SEMA6D: variants seen among roughly 807,000 people sequenced by gnomAD.
SEMA6D encodes the protein semaphorin-6D.
SEMA6D carries 35 observed loss-of-function variants against 106.6 expected under a neutral mutation model. That is an observed-to-expected ratio of 0.33 (90% CI 0.25 to 0.44). The LOEUF (loss-of-function observed/expected upper bound fraction) is 0.44, where lower values mean the gene tolerates loss of function less well. Among genes scored for constraint, SEMA6D ranks in the 20% least tolerant of loss-of-function variants. The pLI, the probability that SEMA6D is intolerant of heterozygous loss-of-function variation, is 1.00. For synonymous variants in SEMA6D, 499 were observed against 487.7 expected (o/e 1.02, Z -0.31); for missense variants, 1,185 against 1,345.9 (o/e 0.88, Z 1.87).
At chr15:47,650,567 A>G (rs1219461994) in intron 4 of SEMA6D, among the ~76,000 whole-genome samples, 1 of 152,234 alleles carries the variant, frequency 6.6e-6, no homozygotes, top group Non-Finnish European at 1.5e-5. Context: ...CAATGAATTT[A>G]TATAGTGATT....
chr15:47,408,226 T>C (rs2040661479), intron 1 of SEMA6D, among the ~76,000 whole-genome samples: 2 of 152,116 alleles, frequency 1.3e-5, no homozygotes, highest in East Asian at 1.9e-4. Flanking sequence ...CAGCTACAAC[T>C]TGTAGCTGTT....
chr15:47,367,248 C>T (rs281274), intron 1 of SEMA6D, among the ~76,000 whole-genome samples: 71,470 of 152,030 alleles, frequency 0.47, 20,284 homozygotes, highest in South Asian at 0.62. Flanking sequence ...TCCTTCCCCC[C>T]CTTCTTCAAA....
chr15:47,556,472 A>T (rs1230887811), intron 3 of SEMA6D, among the ~76,000 whole-genome samples: 1 of 152,224 alleles, frequency 6.6e-6, no homozygotes. Context: ...AATTTGTTTA[A>T]GTTGATTACC....
chr15:47,411,158 C>T (rs558628727), intron 1 of SEMA6D, among the ~76,000 whole-genome samples: 1 of 152,090 alleles, frequency 6.6e-6, no homozygotes, highest in Non-Finnish European at 1.5e-5. Flanking sequence ...TGCAGTGGCA[C>T]AGTCTCGGCT....
At chr15:47,710,072 G>A (rs921114751) in intron 4 of SEMA6D, among the ~76,000 whole-genome samples, 1 of 152,144 alleles carries the variant, frequency 6.6e-6, no homozygotes, top group Non-Finnish European at 1.5e-5. Context: ...TGGGCAATTG[G>A]ATAGCCTAAC....
chr15:47,761,465 TCAA>T (rs766658429), intron 6 of SEMA6D, 34 bp downstream of exon 6: 8 of 1,521,836 alleles, frequency 5.3e-6, no homozygotes, highest in Middle Eastern at 1.8e-4. Flanking sequence ...CTTCTTTTGA[TCAA>T]CTTTTCTCCC....
intron 1 of SEMA6D, among the ~76,000 whole-genome samples, chr15:47,186,705 T>C (rs1189532825): frequency 6.6e-6 from 1 of 152,158 alleles, no homozygotes; most frequent in Non-Finnish European, 1.5e-5. Flanking sequence ...CAGGTTCTAA[T>C]GAAGATTAAG....
At position 47,761,647 on chromosome 15, in the gene SEMA6D, C is replaced by G; in HGVS notation, c.448-14C>G. 1 of 1,596,904 alleles carries G rather than the reference C, an allele frequency of 6.3e-7. No individual in the cohort carries two copies. The highest frequency in any genetic ancestry group is 8.6e-7 in the Non-Finnish European group (1 of 1,168,960). On this transcript the variant is annotated splice_polypyrimidine_tract_variant and intron_variant, in intron 6 of 18. Transcript: ENST00000536845. ...GAATAGATATGACACTGGCTATTTA[C>G]TTTTCTTTTGTAGTTGAGTACCTTA...
At chr15:47,323,918 A>T (rs929993848) in intron 1 of SEMA6D, among the ~76,000 whole-genome samples, 16 of 152,186 alleles carry the variant, frequency 1.1e-4, no homozygotes, top group Middle Eastern at 3.4e-3. Flanking sequence ...TGTCAAAAGG[A>T]ATAGGCATGA....
At chr15:47,561,123 A>G (rs551356690) in intron 3 of SEMA6D, among the ~76,000 whole-genome samples, 1 of 152,240 alleles carries the variant, frequency 6.6e-6, no homozygotes, top group East Asian at 1.9e-4. Flanking sequence ...TTTAAAAGTT[A>G]TTAACCTACA....
At chr15:47,566,597 G>A (rs2046235368) in intron 3 of SEMA6D, among the ~76,000 whole-genome samples, 1 of 152,182 alleles carries the variant, frequency 6.6e-6, no homozygotes, top group Non-Finnish European at 1.5e-5. Context: ...TTTGCTTTAT[G>A]CTAAGTGGGA....
At chr15:47,249,524 A>G (rs2033393586) in intron 1 of SEMA6D, among the ~76,000 whole-genome samples, 1 of 148,320 alleles carries the variant, frequency 6.7e-6, no homozygotes, top group Non-Finnish European at 1.5e-5. Context: ...GTTAAGGGAG[A>G]TGGGAATGTC....
At chr15:47,656,160 A>G (rs996893633) in intron 4 of SEMA6D, among the ~76,000 whole-genome samples, 2 of 152,242 alleles carry the variant, frequency 1.3e-5, no homozygotes, top group Non-Finnish European at 2.9e-5. Context: ...TTTGAGTTAT[A>G]GTGCTGTTGG....
chr15:47,232,911 T>TACAC lies in SEMA6D; in HGVS notation c.-239+48503_-239+48506dup, dbSNP rs932819149. Among the ~76,000 whole-genome samples, 12 of 151,792 alleles carry TACAC rather than the reference T, an allele frequency of 7.9e-5. No individual in the cohort carries two copies. In the East Asian group the frequency reaches 2.3e-3, roughly 29 times the overall value. ...TATTTACTTTCATAGTGTTCTTGGATACACACACACACATACACACAAATT... is the reference window on the plus strand; with the variant it reads ...TATTTACTTTCATAGTGTTCTTGGATACACACACACACACACATACACACAAATT... On this transcript the variant is annotated intron_variant, in intron 1 of 19. Transcript: ENST00000558014.
At chr15:47,218,557 C>A (rs1047864114) in intron 1 of SEMA6D, among the ~76,000 whole-genome samples, 2 of 152,166 alleles carry the variant, frequency 1.3e-5, no homozygotes. Flanking sequence ...ATTATTTCTC[C>A]ATTTTGCCTA....
intron 4 of SEMA6D, among the ~76,000 whole-genome samples, chr15:47,637,611 G>C (rs1459108915): frequency 6.6e-6 from 1 of 152,182 alleles, no homozygotes; most frequent in Non-Finnish European, 1.5e-5. Context: ...GGGAATCACA[G>C]ACCAGGTAGT....
At chr15:47,274,370 A>G (rs548333982) in intron 1 of SEMA6D, 3 of 152,276 alleles carry the variant, frequency 2.0e-5, no homozygotes, top group South Asian at 2.1e-4. Flanking sequence ...AAGTTCATTA[A>G]CCAGTATATA....
intron 1 of SEMA6D, among the ~76,000 whole-genome samples, chr15:47,219,791 T>A (rs1346538402): frequency 6.6e-6 from 1 of 152,228 alleles, no homozygotes; most frequent in Non-Finnish European, 1.5e-5. Context: ...GAATCAGCAA[T>A]ATAAGCTCCG....
At chr15:47,300,290 A>G (rs1288676378) in intron 1 of SEMA6D, among the ~76,000 whole-genome samples, 1 of 152,118 alleles carries the variant, frequency 6.6e-6, no homozygotes, top group Non-Finnish European at 1.5e-5. Context: ...TGTAGTGCCA[A>G]GTGAACCTGG....
Sources: gnomAD v4.1 joint callset for allele counts (sites outside exome capture counted in the v4.1 genomes callset) on GRCh38, gnomAD v4.1.1 for gene constraint, MANE v1.5 for transcripts, NCBI Gene and HGNC (gene_info 2026-07-23, HGNC 2026-07-21) for gene names.